Variants in CTNND2 observed in about 807,000 individuals in gnomAD.
CTNND2 encodes catenin delta 2, also known as catenin delta-2.
Under a neutral mutation model 144.4 loss-of-function variants are expected in CTNND2, and 22 were observed. The ratio of observed to expected loss-of-function variants is 0.15; its 90% CI spans 0.11 to 0.22. The LOEUF is 0.22. Among genes scored for constraint, CTNND2 ranks in the 10% least tolerant of loss-of-function variants. CTNND2 has a pLI of 1.00. For synonymous variants in CTNND2, 751 were observed against 695.6 expected, an observed-to-expected ratio of 1.08 and a Z score of -1.25; for missense variants, 1,353 against 1,618.8, an observed-to-expected ratio of 0.84 and a Z score of 2.82.
chr5:11,596,305 G>C (rs1465894175), intron 2 of CTNND2, among the ~76,000 whole-genome samples: 1 of 152,104 alleles, frequency 6.6e-6, no homozygotes, highest in African/African-American at 2.4e-5. Context: ...GTCTTTACTT[G>C]ATATCCTTTA....
chr5:11,271,816 G>A lies in CTNND2; in HGVS notation c.1629-34993C>T, dbSNP rs142791811. Among the ~76,000 whole-genome samples the A allele has an allele frequency of 1.1e-4, 17 of 152,266 alleles. 1 individual carries two copies. The highest frequency in any genetic ancestry group is 5.9e-4 in the Admixed American group (9 of 15,266). On this transcript the variant is annotated intron_variant, in intron 9 of 21. Transcript: ENST00000304623. Reference sequence around the variant, plus strand: ...TTGAAATGGGGATGTCTGGGAGCGGGTGTGGGGGAAGGTTTCATTCTAAGA... The same window carrying A: ...TTGAAATGGGGATGTCTGGGAGCGGATGTGGGGGAAGGTTTCATTCTAAGA...
intron 3 of CTNND2, among the ~76,000 whole-genome samples, chr5:11,553,219 TG>T (rs1201831060): frequency 3.9e-5 from 6 of 152,222 alleles, no homozygotes; most frequent in Admixed American, 1.3e-4. Flanking sequence ...GCAGTGCGCA[TG>T]GAGACCTATT....
intron 16 of CTNND2, among the ~76,000 whole-genome samples, chr5:11,071,184 A>T (rs1204975087): frequency 6.6e-6 from 1 of 152,222 alleles, no homozygotes; most frequent in Non-Finnish European, 1.5e-5. Flanking sequence ...GAAGAGAGAC[A>T]TATCTACTGC....
At chr5:11,805,938 G>A (rs1277059560) in intron 1 of CTNND2, among the ~76,000 whole-genome samples, 1 of 152,108 alleles carries the variant, frequency 6.6e-6, no homozygotes, top group Non-Finnish European at 1.5e-5. Context: ...CGTCAATAAT[G>A]GTCAGTCATG....
At chr5:11,394,004 G>A (rs1161644915) in intron 6 of CTNND2, among the ~76,000 whole-genome samples, 2 of 152,094 alleles carry the variant, frequency 1.3e-5, no homozygotes, top group Non-Finnish European at 1.5e-5. Flanking sequence ...ATGCCAGGCT[G>A]CCCCATCCAG....
At chr5:11,691,082 G>T (rs1561698354) in intron 2 of CTNND2, among the ~76,000 whole-genome samples, 3 of 151,852 alleles carry the variant, frequency 2.0e-5, no homozygotes, top group Admixed American at 1.3e-4. Context: ...TATCTTAAAA[G>T]AAATAATGGC....
At chr5:11,809,358 C>T (rs1792186374) in intron 1 of CTNND2, among the ~76,000 whole-genome samples, 1 of 152,144 alleles carries the variant, frequency 6.6e-6, no homozygotes, top group Non-Finnish European at 1.5e-5. Flanking sequence ...AAAGCATATG[C>T]ATGTAGCAAT....
At chr5:11,325,615 C>T (rs1561221095) in intron 9 of CTNND2, among the ~76,000 whole-genome samples, 1 of 151,724 alleles carries the variant, frequency 6.6e-6, no homozygotes, top group Non-Finnish European at 1.5e-5. Flanking sequence ...AATTCTAAGC[C>T]CTCCAACCGA....
intron 2 of CTNND2, among the ~76,000 whole-genome samples, chr5:11,725,006 A>G (rs992198801): frequency 3.3e-5 from 5 of 152,110 alleles, no homozygotes; most frequent in African/African-American, 1.2e-4. Flanking sequence ...GTAGAATATG[A>G]AAGTCAGAAC....
chr5:11,693,864 C>A (rs901213169), intron 2 of CTNND2, among the ~76,000 whole-genome samples: 2 of 152,294 alleles, frequency 1.3e-5, no homozygotes, highest in East Asian at 3.9e-4. Flanking sequence ...GGGTTAAGTT[C>A]CTGCAAGCCT....
chr5:11,312,321 G>T (rs1751060835), intron 9 of CTNND2, among the ~76,000 whole-genome samples: 1 of 150,592 alleles, frequency 6.6e-6, no homozygotes, highest in South Asian at 2.1e-4. Flanking sequence ...TCATGCTGCT[G>T]ATAAAGACAT....
chr5:11,775,502 T>G (rs577195001), intron 1 of CTNND2, among the ~76,000 whole-genome samples: 2 of 152,342 alleles, frequency 1.3e-5, no homozygotes, highest in South Asian at 4.1e-4. Context: ...CCAACTCTCT[T>G]GCTACTTGAT....
At position 11,199,532 on chromosome 5, in the gene CTNND2, C is replaced by T. The variant is rs1737216045; in HGVS notation, c.1891G>A (p.Ala631Thr). 6.2e-7 allele frequency: 1 copy of T among 1,614,166 alleles called. No homozygotes were observed. The highest frequency in any genetic ancestry group is 8.5e-7 in the Non-Finnish European group (1 of 1,180,036). The change falls in exon 11 of 22, where the codon GCC (alanine) becomes ACC (threonine). Residue 631 changes from alanine (A) to threonine (T), a missense_variant. Physicochemically the swap from Ala to Thr is moderately conservative, Grantham distance 58. This residue lies in a region of CTNND2 where 117 missense variants were observed against 117.8 expected (regional missense o/e 0.99). Transcript: ENST00000304623. ...GGGATGCCACCACAGTTTTTCAGGG[C>T]AATTTTGTTATCATCGTTGGCCTTC... ...YGKANDDNKI[A>T]LKNCGGIPAL...
intron 1 of CTNND2, among the ~76,000 whole-genome samples, chr5:11,784,947 C>A (rs1790748809): frequency 6.6e-6 from 1 of 152,126 alleles, no homozygotes; most frequent in South Asian, 2.1e-4. Flanking sequence ...TTGTTTTAAG[C>A]CACTAACTTT....
chr5:11,505,643 C>T lies in CTNND2; in HGVS notation c.287+59301G>A, dbSNP rs1277596724. ...GCAGAAAACAAAAAAACAGCCCCCT[C>T]CTTCATTTGGCTTCTCCCATCTGCC... is the stretch of plus-strand genomic sequence containing the variant. On this transcript the variant is annotated intron_variant, in intron 3 of 21. Transcript: ENST00000304623. Among the ~76,000 whole-genome samples the T allele has an allele frequency of 3.9e-5, 6 of 152,292 alleles. No homozygotes were observed. In the East Asian group the frequency reaches 9.6e-4, roughly 24 times the overall value.
intron 3 of CTNND2, among the ~76,000 whole-genome samples, chr5:11,466,772 A>G (rs539311869): frequency 9.2e-5 from 14 of 152,314 alleles, no homozygotes; most frequent in African/African-American, 3.1e-4. Context: ...AAAGTCACTG[A>G]CGCCATCTCC....
At chr5:11,886,690 G>A (rs147156049) in intron 1 of CTNND2, among the ~76,000 whole-genome samples, 46 of 152,164 alleles carry the variant, frequency 3.0e-4, no homozygotes, top group African/African-American at 8.4e-4. Flanking sequence ...AGAATTACAC[G>A]GGTTGTGTAA....
chr5:11,614,061 G>T (rs141733612), intron 2 of CTNND2, among the ~76,000 whole-genome samples: 1 of 151,944 alleles, frequency 6.6e-6, no homozygotes, highest in Non-Finnish European at 1.5e-5. Flanking sequence ...AAAAAATTTT[G>T]AAAATTCTTC....
At chr5:11,745,832 G>A (rs1006317672) in intron 1 of CTNND2, among the ~76,000 whole-genome samples, 3 of 152,024 alleles carry the variant, frequency 2.0e-5, no homozygotes, top group Non-Finnish European at 4.4e-5. Flanking sequence ...CTAAACAGAG[G>A]TTTCCAAACT....
Sources: gnomAD v4.1 joint callset for allele counts (sites outside exome capture counted in the v4.1 genomes callset) on GRCh38, gnomAD v4.1.1 for gene constraint, gnomAD v4.1.1 regional missense constraint, MANE v1.5 for transcripts, NCBI Gene and HGNC (gene_info 2026-07-23, HGNC 2026-07-21) for gene names.